XRCC4: variants seen among roughly 807,000 people sequenced by gnomAD.
XRCC4 encodes the protein DNA repair protein XRCC4.
A neutral mutation model predicts 39.1 loss-of-function variants in XRCC4; 28 were observed. The ratio of observed to expected loss-of-function variants is 0.72; its 90% CI spans 0.53 to 0.98. The LOEUF (loss-of-function observed/expected upper bound fraction) is 0.98. Ranked by LOEUF, XRCC4 falls within the 50% of genes least tolerant of loss-of-function variation. XRCC4 has a pLI of 0.00. For missense variants in XRCC4, 350 were observed against 376.4 expected, an observed-to-expected ratio of 0.93 and a Z score of 0.58; for synonymous variants, 123 against 126.4, an observed-to-expected ratio of 0.97 and a Z score of 0.18.
chr5:83,290,439 C>T (rs1754884373), intron 7 of XRCC4, among the ~76,000 whole-genome samples: 1 of 150,600 alleles, frequency 6.6e-6, no homozygotes, highest in Non-Finnish European at 1.5e-5. Context: ...ATATTTATAA[C>T]ATTATTACTA....
the XRCC4 span, among the ~76,000 whole-genome samples, chr5:83,359,418 T>C: frequency 6.6e-6 from 1 of 152,138 alleles, no homozygotes; most frequent in Non-Finnish European, 1.5e-5. Context: ...TTGGCCTGGC[T>C]GAACTTGGGT....
Position 83,081,234 on chromosome 5 carries a change from G to A in XRCC4, c.-11+3619G>A, listed in dbSNP as rs16900156. Among the ~76,000 whole-genome samples the A allele has an allele frequency of 3.0e-3, 450 of 152,262 alleles. 9 individuals carry two copies. In the East Asian group the frequency reaches 0.075, roughly 25 times the overall value. ...ATTTTCTCTTTTTACTTTGTTGCTA[G>A]TGTTAATGATAGGGTTGATTTACAT... On this transcript the variant is annotated intron_variant, in intron 1 of 7. Coordinates refer to ENST00000396027, the MANE Select transcript of XRCC4 (RefSeq NM_003401.5).
At chr5:83,179,001 T>A (rs1466058635) in intron 3 of XRCC4, among the ~76,000 whole-genome samples, 4 of 152,180 alleles carry the variant, frequency 2.6e-5, no homozygotes, top group African/African-American at 9.7e-5. Context: ...AGCCTTCAAG[T>A]CTCAGGTTGA....
At position 83,160,082 on chromosome 5, in the gene XRCC4, A is replaced by G. The variant is rs780011943; in HGVS notation, c.316-35688A>G. Among the ~76,000 whole-genome samples the G allele has an allele frequency of 7.0e-4, 106 of 152,184 alleles. 1 individual carries two copies. Among genetic ancestry groups the G allele is most frequent in the Admixed American group, 4.0e-3 (61 of 15,280 alleles). ...TTTTTCAATATGCCGTGAGTTTAAA[A>G]TTTAAAAAGAAATAGAAATAGCCCT... On this transcript the variant is annotated intron_variant, in intron 3 of 7. Coordinates refer to ENST00000396027, the MANE Select transcript of XRCC4 (RefSeq NM_003401.5).
chr5:83,328,196 TATCA>T (rs1756327001), intron 7 of XRCC4, among the ~76,000 whole-genome samples: 1 of 152,052 alleles, frequency 6.6e-6, no homozygotes. Flanking sequence ...ACTTATTAAC[TATCA>T]GGAGAATAGC....
At chr5:83,346,055 T>C (rs1756908336) in intron 7 of XRCC4, among the ~76,000 whole-genome samples, 1 of 152,164 alleles carries the variant, frequency 6.6e-6, no homozygotes, top group Non-Finnish European at 1.5e-5. Flanking sequence ...TACACCACGT[T>C]TTAGTGAGAG....
the XRCC4 span, among the ~76,000 whole-genome samples, chr5:83,374,227 C>G: frequency 6.6e-6 from 1 of 152,116 alleles, no homozygotes; most frequent in African/African-American, 2.4e-5. Flanking sequence ...ATAATTCCCA[C>G]GTGTTGTGGG....
chr5:83,299,594 G>C (rs1017812000), intron 7 of XRCC4, among the ~76,000 whole-genome samples: 1 of 151,860 alleles, frequency 6.6e-6, no homozygotes, highest in Non-Finnish European at 1.5e-5. Context: ...TTGTTACTCT[G>C]ACTTTTTATG....
Sources: allele counts gnomAD v4.1 joint callset (sites outside exome capture counted in the v4.1 genomes callset), GRCh38; gene constraint gnomAD v4.1.1; transcripts MANE v1.5; gene names NCBI Gene and HGNC (gene_info 2026-07-23, HGNC 2026-07-21).